HECW1: variants seen among roughly 807,000 people sequenced by gnomAD.
The protein encoded by HECW1 is HECT, C2 and WW domain containing E3 ubiquitin protein ligase 1, also known as E3 ubiquitin-protein ligase HECW1.
A neutral mutation model predicts 182.3 loss-of-function variants in HECW1; 61 were observed. That is an observed-to-expected ratio of 0.33 (90% CI 0.27 to 0.41). The LOEUF (loss-of-function observed/expected upper bound fraction) is 0.41. HECW1 is among the 10% of genes least tolerant of loss of function. HECW1 has a pLI of 1.00. For missense variants in HECW1, 1,739 were observed against 2,108.9 expected (o/e 0.82, Z 3.44); for synonymous variants, 859 against 832.6 (o/e 1.03, Z -0.55).
chr7:43,229,963 C>T (rs767151900), intron 2 of HECW1, among the ~76,000 whole-genome samples: 3 of 152,208 alleles, frequency 2.0e-5, no homozygotes, highest in Non-Finnish European at 4.4e-5. Context: ...CTAATACCTC[C>T]TGTTACAGGG....
At chr7:43,391,262 A>G (rs1283449029) in intron 6 of HECW1, among the ~76,000 whole-genome samples, 1 of 152,172 alleles carries the variant, frequency 6.6e-6, no homozygotes, top group Non-Finnish European at 1.5e-5. Context: ...AAACTTTGTA[A>G]TTTTGAGTTG....
intron 5 of HECW1, among the ~76,000 whole-genome samples, chr7:43,336,143 TTTCTCTCTCTCTC>T (rs1812210118): frequency 3.4e-4 from 18 of 52,334 alleles, no homozygotes; most frequent in South Asian, 2.6e-3. Flanking sequence ...TCTCTCTCTC[TTTCTCTCTCTCTC>T]TCTCTCTCTC....
At chr7:43,459,658 C>T (rs1213473046) in intron 13 of HECW1, among the ~76,000 whole-genome samples, 2 of 152,068 alleles carry the variant, frequency 1.3e-5, no homozygotes, top group East Asian at 1.9e-4. Flanking sequence ...CTACCTCAGC[C>T]TCCCGAGTAG....
chr7:43,221,770 G>A (rs1796997025), intron 2 of HECW1, among the ~76,000 whole-genome samples: 1 of 151,834 alleles, frequency 6.6e-6, no homozygotes, highest in African/African-American at 2.4e-5. Context: ...AGCCAGGATG[G>A]TGTCGATCTC....
At chr7:43,320,595 A>G (rs771269116) in intron 4 of HECW1, 40 bp from the exon 5 acceptor site, 1 of 1,342,572 alleles carries the variant, frequency 7.4e-7, no homozygotes, top group Non-Finnish European at 1.1e-6. Flanking sequence ...CTGTTGACTG[A>G]TATGTTTCTC....
intron 2 of HECW1, among the ~76,000 whole-genome samples, chr7:43,116,093 G>A (rs1785024033): frequency 6.6e-6 from 1 of 152,124 alleles, no homozygotes; most frequent in Non-Finnish European, 1.5e-5. Flanking sequence ...TCAGCTGGGG[G>A]AATCAGAGAG....
At position 43,243,653 on chromosome 7, in the gene HECW1, C is replaced by A. The variant is rs566916648; in HGVS notation, c.-31-222C>A. The stretch of plus-strand genomic sequence containing the variant: ...CATTCCTTAAATTAAAATTTAAAAT[C>A]AAATCAAATTACTTATGGCACAGAA... On this transcript the variant is annotated intron_variant, in intron 2 of 29. Coordinates refer to ENST00000395891, the MANE Select transcript of HECW1 (RefSeq NM_015052.5). This position sits in a 1 kb window ranked among gnomAD's most constrained non-coding sequence, Gnocchi z 4.0. Among the ~76,000 whole-genome samples the A allele has an allele frequency of 6.6e-6, 1 of 152,116 alleles. No individual in the cohort carries two copies. The highest frequency in any genetic ancestry group is 1.9e-4 in the East Asian group (1 of 5,178).
At chr7:43,198,025 A>G (rs1293721735) in intron 2 of HECW1, among the ~76,000 whole-genome samples, 1 of 151,628 alleles carries the variant, frequency 6.6e-6, no homozygotes, top group South Asian at 2.1e-4. Context: ...ACACACTCCA[A>G]CAACCTACAC....
chr7:43,209,862 C>T (rs556918677), intron 2 of HECW1, among the ~76,000 whole-genome samples: 11 of 152,200 alleles, frequency 7.2e-5, no homozygotes, highest in Non-Finnish European at 1.2e-4. Context: ...CAAGATGGGC[C>T]GGGCATTGGC....
chr7:43,553,098 C>T (rs1467127554), intron 28 of HECW1, among the ~76,000 whole-genome samples: 2 of 152,218 alleles, frequency 1.3e-5, no homozygotes, highest in African/African-American at 2.4e-5. Flanking sequence ...TTCACCAAAG[C>T]TAATGTCTAA....
chr7:43,185,697 ATAG>A (rs1445895828), intron 2 of HECW1, among the ~76,000 whole-genome samples: 2 of 152,192 alleles, frequency 1.3e-5, no homozygotes, highest in African/African-American at 2.4e-5. Flanking sequence ...TCTATATTTA[ATAG>A]TAGAATTTCC....
chr7:43,142,666 T>C (rs889541551), intron 2 of HECW1, among the ~76,000 whole-genome samples: 7 of 152,260 alleles, frequency 4.6e-5, no homozygotes, highest in African/African-American at 7.2e-5. Context: ...CCTATGTGGC[T>C]TCTAATTTTT....
At chr7:43,361,252 G>C (rs1239838652) in intron 6 of HECW1, among the ~76,000 whole-genome samples, 1 of 152,172 alleles carries the variant, frequency 6.6e-6, no homozygotes, top group East Asian at 1.9e-4. Flanking sequence ...ATTTTCCTTA[G>C]ATGGCCAAAT....
At chr7:43,345,140 A>G (rs1335529388) in intron 5 of HECW1, among the ~76,000 whole-genome samples, 1 of 152,242 alleles carries the variant, frequency 6.6e-6, no homozygotes, top group Non-Finnish European at 1.5e-5. Flanking sequence ...CCAAGTATAC[A>G]TATTTAATGG....
chr7:43,302,190 C>CA (rs1303304499), intron 3 of HECW1, among the ~76,000 whole-genome samples: 1 of 151,998 alleles, frequency 6.6e-6, no homozygotes, highest in Non-Finnish European at 1.5e-5. Flanking sequence ...CACTGGCTTA[C>CA]AACAGCCTGA....
At chr7:43,346,145 C>T (rs983878611) in intron 5 of HECW1, among the ~76,000 whole-genome samples, 9 of 152,108 alleles carry the variant, frequency 5.9e-5, no homozygotes, top group Non-Finnish European at 1.0e-4. Context: ...ACCACATCCA[C>T]GCCAACATCT....
chr7:43,179,798 A>G (rs531116073), intron 2 of HECW1, among the ~76,000 whole-genome samples: 1 of 152,242 alleles, frequency 6.6e-6, no homozygotes, highest in African/African-American at 2.4e-5. Flanking sequence ...TCAGTGTTAT[A>G]TAAAAGAGCC....
intron 3 of HECW1, among the ~76,000 whole-genome samples, chr7:43,282,708 T>C (rs1305138991): frequency 6.6e-6 from 1 of 152,214 alleles, no homozygotes; most frequent in Non-Finnish European, 1.5e-5. Flanking sequence ...TATATTTTAT[T>C]AAATATTATT....
chr7:43,541,136 G>A lies in HECW1; in HGVS notation c.4020-27G>A, dbSNP rs551582625. 213 of 1,561,912 alleles carry A rather than the reference G, an allele frequency of 1.4e-4. No individual in the cohort carries two copies. In the South Asian group the frequency reaches 1.8e-3, roughly 13 times the overall value. On this transcript the variant is annotated intron_variant, in intron 24 of 29. Transcript: ENST00000395891. Reference sequence around the variant, plus strand: ...TTAACAATGTAAATTTCCACTTACCGATTTCTCTGCCTTGTCTGTGTTCCA... The same window carrying A: ...TTAACAATGTAAATTTCCACTTACCAATTTCTCTGCCTTGTCTGTGTTCCA...
Sources: allele counts gnomAD v4.1 joint callset (sites outside exome capture counted in the v4.1 genomes callset), GRCh38; gene constraint gnomAD v4.1.1; non-coding constraint Gnocchi (gnomAD v3.1); transcripts MANE v1.5; gene names NCBI Gene and HGNC (gene_info 2026-07-23, HGNC 2026-07-21).